The following ZNF475 variants were observed in gnomAD, a reference collection of about 807,000 sequenced individuals.
ZNF475 encodes the protein zinc finger protein 475.
the ZNF475 span, among the ~76,000 whole-genome samples, chr5:122,171,098 A>G: frequency 6.6e-6 from 1 of 152,022 alleles, no homozygotes. Context: ...TCTAATTCCA[A>G]CTACTAGTTT....
the ZNF475 span, among the ~76,000 whole-genome samples, chr5:122,170,440 G>T: frequency 6.6e-6 from 1 of 152,110 alleles, no homozygotes; most frequent in Non-Finnish European, 1.5e-5. Flanking sequence ...ACAAAACTCA[G>T]GGAAACACTT....
chr5:122,179,811 T>C, the ZNF475 span: 34 of 1,111,996 alleles, frequency 3.1e-5, no homozygotes, highest in Non-Finnish European at 3.9e-5. Flanking sequence ...TATTCTTTTT[T>C]CACTTGTTCA....
At chr5:122,162,707 C>A in the ZNF475 span, among the ~76,000 whole-genome samples, 2 of 152,080 alleles carry the variant, frequency 1.3e-5, no homozygotes, top group African/African-American at 4.8e-5. Context: ...ACCTCTGCAC[C>A]CCCACCCCTT....
the ZNF475 span, among the ~76,000 whole-genome samples, chr5:122,167,834 C>T: frequency 1.3e-5 from 2 of 152,198 alleles, no homozygotes; most frequent in Non-Finnish European, 2.9e-5. Flanking sequence ...CAGGCAACCA[C>T]TAATCTACAG....
the ZNF475 span, among the ~76,000 whole-genome samples, chr5:122,161,430 T>C: frequency 5.9e-5 from 9 of 152,170 alleles, no homozygotes; most frequent in Non-Finnish European, 1.2e-4. Flanking sequence ...AAAGGAAGGA[T>C]AAGGAGAGAG....
chr5:122,161,684 A>T, the ZNF475 span, among the ~76,000 whole-genome samples: 1 of 152,144 alleles, frequency 6.6e-6, no homozygotes, highest in African/African-American at 2.4e-5. Flanking sequence ...GGACAAATTG[A>T]GTGTCTGCCG....
the ZNF475 span, among the ~76,000 whole-genome samples, chr5:122,169,987 T>A: frequency 1.3e-5 from 2 of 152,206 alleles, no homozygotes; most frequent in African/African-American, 4.8e-5. Flanking sequence ...TTCCAGACAT[T>A]TGTTACTGCT....
the ZNF475 span, among the ~76,000 whole-genome samples, chr5:122,167,936 G>T: frequency 6.6e-6 from 1 of 152,158 alleles, no homozygotes; most frequent in African/African-American, 2.4e-5. Context: ...TCATCCACTG[G>T]TGCAAGTAGC....
the ZNF475 span, among the ~76,000 whole-genome samples, chr5:122,165,507 T>C: frequency 6.6e-6 from 1 of 152,160 alleles, no homozygotes; most frequent in African/African-American, 2.4e-5. Context: ...TTATTACAGA[T>C]TAATGATTAC....
the ZNF475 span, among the ~76,000 whole-genome samples, chr5:122,167,031 T>C: frequency 7.2e-5 from 11 of 152,258 alleles, no homozygotes; most frequent in Admixed American, 6.5e-4. Context: ...GCGTAGGTTT[T>C]CTTCCAGAGT....
chr5:122,166,413 G>A, the ZNF475 span, among the ~76,000 whole-genome samples: 1 of 151,918 alleles, frequency 6.6e-6, no homozygotes, highest in Non-Finnish European at 1.5e-5. Context: ...TGTTACATAT[G>A]TATATATGTG....
the ZNF475 span, among the ~76,000 whole-genome samples, chr5:122,169,892 T>C: frequency 1.3e-5 from 2 of 152,214 alleles, no homozygotes; most frequent in African/African-American, 4.8e-5. Context: ...GGAAACAGCC[T>C]AGACTAAAAT....
At chr5:122,176,853 G>A in the ZNF475 span, among the ~76,000 whole-genome samples, 1 of 152,140 alleles carries the variant, frequency 6.6e-6, no homozygotes, top group African/African-American at 2.4e-5. Flanking sequence ...TTATGATTCT[G>A]TAAGCTATTC....
the ZNF475 span, among the ~76,000 whole-genome samples, chr5:122,161,660 T>C: frequency 6.6e-6 from 1 of 152,154 alleles, no homozygotes; most frequent in Non-Finnish European, 1.5e-5. Flanking sequence ...TTCATCTCTT[T>C]AATTATATGC....
At chr5:122,174,266 G>A in the ZNF475 span, among the ~76,000 whole-genome samples, 2 of 152,166 alleles carry the variant, frequency 1.3e-5, no homozygotes, top group African/African-American at 4.8e-5. Flanking sequence ...TGGAGATAGA[G>A]GCCAAATAGG....
At chr5:122,162,636 C>G in the ZNF475 span, among the ~76,000 whole-genome samples, 2 of 152,110 alleles carry the variant, frequency 1.3e-5, no homozygotes, top group Non-Finnish European at 2.9e-5. Flanking sequence ...AAATGAGTCT[C>G]TGGTGGCCTC....
the ZNF475 span, among the ~76,000 whole-genome samples, chr5:122,178,113 A>G: frequency 6.6e-6 from 1 of 152,170 alleles, no homozygotes; most frequent in African/African-American, 2.4e-5. Flanking sequence ...CATGGTGTAT[A>G]TGTGCCACAT....
the ZNF475 span, among the ~76,000 whole-genome samples, chr5:122,170,427 C>G: frequency 2.0e-5 from 3 of 152,168 alleles, no homozygotes; most frequent in African/African-American, 7.2e-5. Context: ...GCTATAACAG[C>G]TCACAAAACT....
the ZNF475 span, among the ~76,000 whole-genome samples, chr5:122,180,604 A>C: frequency 2.0e-5 from 3 of 152,168 alleles, no homozygotes; most frequent in African/African-American, 7.2e-5. Context: ...GATCCCCTAA[A>C]CCATCTCACA....
Sources: allele counts gnomAD v4.1 joint callset (sites outside exome capture counted in the v4.1 genomes callset), GRCh38; gene constraint gnomAD v4.1.1; transcripts MANE v1.5; gene names NCBI Gene and HGNC (gene_info 2026-07-23, HGNC 2026-07-21).